Variants in TRAP1 observed in about 807,000 individuals in gnomAD.
TRAP1 encodes the protein heat shock protein 75 kDa, mitochondrial.
TRAP1 carries 102 observed loss-of-function variants against 89.1 expected under a neutral mutation model. The ratio of observed to expected loss-of-function variants is 1.15; its 90% CI spans 0.98 to 1.35. The LOEUF is 1.35. TRAP1 is among the 40% of genes most tolerant of loss of function. The pLI is 0.00. For synonymous variants in TRAP1, 508 were observed against 388.0 expected (o/e 1.31, Z -3.64); for missense variants, 1,256 against 945.3 (o/e 1.33, Z -4.31).
intron 12 of TRAP1, 124 bp downstream of exon 12, chr16:3,665,847 G>A (rs557490658): frequency 2.4e-6 from 3 of 1,261,150 alleles, no homozygotes; most frequent in East Asian, 2.5e-5. Flanking sequence ...CCTGGTGGCA[G>A]CAGCAGCAGC....
chr16:3,686,114 G>C lies in TRAP1; in HGVS notation c.353C>G (p.Ser118Cys), dbSNP rs769430278. ...EKEVFIRELISNASDALEKLR... is the reference protein window; with the variant it reads ...EKEVFIRELICNASDALEKLR... Reference sequence around the variant, plus strand: ...TTTTTCCAAGGCATCGCTGGCATTGGAGATCAGCTCCCGTATAAACACCTA... The same window carrying C: ...TTTTTCCAAGGCATCGCTGGCATTGCAGATCAGCTCCCGTATAAACACCTA... The change falls in exon 4 of 18, where the codon TCC (serine) becomes TGC (cysteine). Residue 118 changes from serine (S) to cysteine (C), a missense_variant. Physicochemically the swap from Ser to Cys is moderately radical, Grantham distance 112 (BLOSUM62 -1). Coordinates refer to ENST00000246957, the MANE Select transcript of TRAP1 (RefSeq NM_016292.3). 2.4e-5 allele frequency: 38 copies of C among 1,614,130 alleles called. No homozygotes were observed. In the South Asian group the frequency reaches 3.1e-4, roughly 13 times the overall value.
At position 3,680,591 on chromosome 16, in the gene TRAP1, C is replaced by A. The variant is rs150239995; in HGVS notation, c.472-801G>T. Among the ~76,000 whole-genome samples the A allele has an allele frequency of 1.2e-3, 181 of 152,366 alleles. 1 individual carries two copies. Among genetic ancestry groups the A allele is most frequent in the African/African-American group, 4.3e-3 (179 of 41,594 alleles). On this transcript the variant is annotated intron_variant, in intron 4 of 17. Coordinates refer to ENST00000246957, the MANE Select transcript of TRAP1 (RefSeq NM_016292.3). ...ACAGCGGGCACAGACGCCTCTCCTG[C>A]GGGAAGGCAGAGCCCTTGCGTTGGA...
At chr16:3,679,651 C>G in intron 5 of TRAP1, 68 bp downstream of exon 5, 2 of 1,541,610 alleles carry the variant, frequency 1.3e-6, no homozygotes, top group East Asian at 2.2e-5. Context: ...CACCCAGGGC[C>G]ACCCCTACTG....
intron 7 of TRAP1, among the ~76,000 whole-genome samples, chr16:3,675,613 G>C (rs2050980065): frequency 6.6e-6 from 1 of 152,176 alleles, no homozygotes; most frequent in Non-Finnish European, 1.5e-5. Flanking sequence ...GAGCTGTGGA[G>C]GCCCCGGCTG....
At chr16:3,715,439 A>G (rs1429266642) in intron 1 of TRAP1, among the ~76,000 whole-genome samples, 4 of 152,038 alleles carry the variant, frequency 2.6e-5, no homozygotes. Context: ...CTCCATCTCA[A>G]AAAAAAAGAA....
At chr16:3,700,600 G>T (rs1311829029) in intron 1 of TRAP1, among the ~76,000 whole-genome samples, 1 of 151,916 alleles carries the variant, frequency 6.6e-6, no homozygotes, top group South Asian at 2.1e-4. Context: ...CGAGTAGCTG[G>T]GACTACAGAT....
intron 14 of TRAP1, chr16:3,663,177 TACAC>T (rs924735500): frequency 7.6e-6 from 5 of 658,016 alleles, no homozygotes; most frequent in African/African-American, 7.3e-5. Flanking sequence ...TTTAAAAAAA[TACAC>T]AGCCTCTCAA....
intron 8 of TRAP1, 169 bp from the exon 9 acceptor site, chr16:3,674,663 G>T: frequency 1.3e-6 from 1 of 763,550 alleles, no homozygotes; most frequent in Non-Finnish European, 2.1e-6. Flanking sequence ...GGCTATGCCG[G>T]GTAGTGCAGG....
At chr16:3,715,838 C>A (rs2051591330) in intron 1 of TRAP1, among the ~76,000 whole-genome samples, 1 of 152,214 alleles carries the variant, frequency 6.6e-6, no homozygotes, top group East Asian at 1.9e-4. Flanking sequence ...AAGAGAGCAA[C>A]AGCATCACTT....
In TRAP1 at chr16:3,664,350, T is replaced by A. The variant is rs1375713943; in HGVS notation, c.1493A>T (p.Tyr498Phe). Residue 498 changes from tyrosine to phenylalanine, a missense_variant, in exon 13 of 18, where the codon TAC (tyrosine) becomes TTC (phenylalanine). Tyr to Phe is a conservative substitution (Grantham distance 22, BLOSUM62 3). Transcript: ENST00000246957. ...GTGACGGTTGGGGGCGCACAGGTAG[T>A]AGATGTTGCGGGTGCCGGCCCGCAT... ...SRMRAGTRNI[Y>F]YLCAPNRHLA... 9.3e-6 allele frequency: 15 copies of A among 1,612,898 alleles called. No homozygotes were observed. The East Asian group carries it at 3.3e-4, about 36-fold the overall frequency.
intron 9 of TRAP1, among the ~76,000 whole-genome samples, chr16:3,673,836 G>C (rs1006476602): frequency 1.3e-5 from 2 of 150,216 alleles, no homozygotes; most frequent in South Asian, 2.1e-4. Context: ...GGGAGGTGGA[G>C]GGTGTGGAGG....
intron 10 of TRAP1, 94 bp downstream of exon 10, chr16:3,672,606 G>A (rs2050928968): frequency 2.0e-6 from 3 of 1,467,334 alleles, no homozygotes; most frequent in Admixed American, 2.4e-5. Flanking sequence ...TCGCTGCAGA[G>A]GGCTGCTGAG....
chr16:3,675,208 G>T, intron 8 of TRAP1, 116 bp downstream of exon 8: 3 of 956,308 alleles, frequency 3.1e-6, no homozygotes, highest in Non-Finnish European at 4.8e-6. Context: ...TCTCCACAGA[G>T]CAGCTCGCCC....
At chr16:3,686,907 G>A (rs2051145712) in intron 3 of TRAP1, 1 of 152,228 alleles carries the variant, frequency 6.6e-6, no homozygotes. Flanking sequence ...CAAGGCGGAG[G>A]TTGCAGTGAG....
intron 3 of TRAP1, chr16:3,687,086 G>A (rs1389421384): frequency 1.3e-5 from 2 of 152,160 alleles, no homozygotes; most frequent in Non-Finnish European, 2.9e-5. Context: ...GTGTCCCCAC[G>A]AAAATCTCAC....
intron 1 of TRAP1, among the ~76,000 whole-genome samples, chr16:3,707,917 G>A (rs943612030): frequency 6.6e-6 from 1 of 151,730 alleles, no homozygotes; most frequent in African/African-American, 2.4e-5. Context: ...AGGCACGACG[G>A]CTCCTGCGTG....
At chr16:3,703,843 G>A (rs1383046832) in intron 1 of TRAP1, among the ~76,000 whole-genome samples, 1 of 151,396 alleles carries the variant, frequency 6.6e-6, no homozygotes, top group East Asian at 1.9e-4. Context: ...GTGAAAGCCA[G>A]TCTCTATTGA....
At chr16:3,700,937 T>A (rs570997681) in intron 1 of TRAP1, among the ~76,000 whole-genome samples, 1 of 152,160 alleles carries the variant, frequency 6.6e-6, no homozygotes, top group South Asian at 2.1e-4. Context: ...AATAATAAAA[T>A]GGTAGCAATA....
intron 1 of TRAP1, among the ~76,000 whole-genome samples, chr16:3,699,755 A>G (rs1320377091): frequency 6.6e-6 from 1 of 150,610 alleles, no homozygotes. Context: ...GCAGTCTTGA[A>G]CTCCTGGGCT....
Sources: allele counts gnomAD v4.1 joint callset (sites outside exome capture counted in the v4.1 genomes callset), GRCh38; gene constraint gnomAD v4.1.1; transcripts MANE v1.5; gene names NCBI Gene and HGNC (gene_info 2026-07-23, HGNC 2026-07-21).